The following C12orf42 variants were observed in gnomAD, a reference collection of about 807,000 sequenced individuals.
The protein encoded by C12orf42 is uncharacterized protein C12orf42.
Under a neutral mutation model 21.6 loss-of-function variants are expected in C12orf42, and 25 were observed. That is an observed-to-expected ratio of 1.16 (90% confidence interval 0.84 to 1.62). C12orf42 has a LOEUF of 1.62. C12orf42 is among the 40% of genes most tolerant of loss of function. The pLI, the probability that C12orf42 is intolerant of heterozygous loss-of-function variation, is 0.00. For missense variants in C12orf42, 483 were observed against 459.3 expected, an observed-to-expected ratio of 1.05 and a Z score of -0.47; for synonymous variants, 174 against 175.0, an observed-to-expected ratio of 0.99 and a Z score of 0.05.
chr12:103,198,256 C>G, the C12orf42 span, among the ~76,000 whole-genome samples: 1 of 152,204 alleles, frequency 6.6e-6, no homozygotes, highest in Non-Finnish European at 1.5e-5. Flanking sequence ...CTAGCTTCAC[C>G]TGCAGAAGCT....
At chr12:103,122,577 A>G in the C12orf42 span, among the ~76,000 whole-genome samples, 3 of 152,184 alleles carry the variant, frequency 2.0e-5, no homozygotes, top group African/African-American at 7.2e-5. Context: ...CCGATAAAAT[A>G]ATATTTTTAT....
At chr12:103,191,490 T>C in the C12orf42 span, among the ~76,000 whole-genome samples, 1 of 130,224 alleles carries the variant, frequency 7.7e-6, no homozygotes, top group Admixed American at 9.9e-5. Context: ...GGCAGATTAC[T>C]TGAGTTCAGG....
chr12:103,210,639 C>CTTTTTTTTTTTTTTTTTTTTCTTTTATTT, the C12orf42 span, among the ~76,000 whole-genome samples: 1 of 77,640 alleles, frequency 1.3e-5, no homozygotes, highest in African/African-American at 4.5e-5. Context: ...CCCTCTATTT[C>CTTTTTTTTTTTTTTTTTTTTCTTTTATTT]TTTTTTTTTT....
intron 4 of C12orf42, among the ~76,000 whole-genome samples, chr12:103,362,725 T>A (rs1037287965): frequency 2.2e-4 from 34 of 151,978 alleles, no homozygotes; most frequent in African/African-American, 8.2e-4. Flanking sequence ...AGCAATAGAA[T>A]CAAAAACAGC....
At chr12:103,264,015 T>G (rs2035040401), downstream of C12orf42, among the ~76,000 whole-genome samples, 2 of 152,148 alleles carry the variant, frequency 1.3e-5, no homozygotes, top group Admixed American at 6.5e-5. Flanking sequence ...TTCCTCTCTG[T>G]TTTTTACCAT....
At chr12:103,449,757 CT>C (rs1273104304) in intron 2 of C12orf42, among the ~76,000 whole-genome samples, 2 of 150,500 alleles carry the variant, frequency 1.3e-5, no homozygotes, top group Non-Finnish European at 3.0e-5. Context: ...TCATTCCTGA[CT>C]TTTTGTTCTC....
At chr12:103,398,608 T>C (rs1289778907) in intron 3 of C12orf42, among the ~76,000 whole-genome samples, 1 of 152,122 alleles carries the variant, frequency 6.6e-6, no homozygotes, top group African/African-American at 2.4e-5. Flanking sequence ...AAAATATATT[T>C]TGTATTTTAT....
the C12orf42 span, among the ~76,000 whole-genome samples, chr12:103,166,691 C>T: frequency 6.6e-6 from 1 of 152,116 alleles, no homozygotes; most frequent in Non-Finnish European, 1.5e-5. Flanking sequence ...TATTTCAATT[C>T]ATATTTATCC....
chr12:103,358,321 G>A (rs1396743494), intron 4 of C12orf42, among the ~76,000 whole-genome samples: 1 of 151,986 alleles, frequency 6.6e-6, no homozygotes, highest in African/African-American at 2.4e-5. Context: ...CAATTTTGTG[G>A]CATTTTACTT....
At chr12:103,423,274 G>T (rs146142930) in intron 2 of C12orf42, among the ~76,000 whole-genome samples, 1 of 152,240 alleles carries the variant, frequency 6.6e-6, no homozygotes, top group African/African-American at 2.4e-5. Context: ...CTTGGCCCCT[G>T]GTCTGGCCTG....
downstream of C12orf42, among the ~76,000 whole-genome samples, chr12:103,265,314 T>G (rs2035110307): frequency 6.6e-6 from 1 of 152,176 alleles, no homozygotes; most frequent in Non-Finnish European, 1.5e-5. Flanking sequence ...AGCAAGTATT[T>G]ATCAAATGTC....
At chr12:103,167,906 GTGTGTGTTTGTGTC>G in the C12orf42 span, 1 of 288,284 alleles carries the variant, frequency 3.5e-6, no homozygotes, top group Non-Finnish European at 6.3e-6. Flanking sequence ...GTGTGTGTGT[GTGTGTGTTTGTGTC>G]TGTGTGTGTG....
chr12:103,252,638 GTTGT>G (rs2034367116), intron 10 of C12orf42, among the ~76,000 whole-genome samples: 3 of 152,242 alleles, frequency 2.0e-5, no homozygotes, highest in African/African-American at 4.8e-5. Flanking sequence ...TTTTGATGGG[GTTGT>G]TTGTTTTTTT....
At position 103,283,443 on chromosome 12, in the gene C12orf42, A is replaced by T. The variant is rs17456122; in HGVS notation, n.338-6233T>A. On this transcript the variant is annotated intron_variant and non_coding_transcript_variant, in intron 4 of 6. Coordinates refer to the C12orf42 transcript ENST00000546526. ...AACCTTTTAGTGACTCTCCATTGCTATTAGAAGAAAATAAAAATCCTTAAC... is the reference window on the plus strand; with the variant it reads ...AACCTTTTAGTGACTCTCCATTGCTTTTAGAAGAAAATAAAAATCCTTAAC... Among the ~76,000 whole-genome samples, 1,328 of 152,296 alleles carry T rather than the reference A, an allele frequency of 8.7e-3. 19 individuals carry two copies. Among genetic ancestry groups the T allele is most frequent in the African/African-American group, 0.024 (982 of 41,570 alleles).
At chr12:103,473,141 T>C (rs539540234) in intron 2 of C12orf42, among the ~76,000 whole-genome samples, 10 of 152,284 alleles carry the variant, frequency 6.6e-5, no homozygotes, top group African/African-American at 2.4e-4. Context: ...GAAATAATAA[T>C]TACAATGCCA....
In C12orf42 at chr12:103,381,037, A is replaced by C. The variant is rs59535339; in HGVS notation, c.148-12039T>G. 9.0e-3 allele frequency among the ~76,000 whole-genome samples: 1,373 copies of C among 152,284 alleles called. 107 individuals carry two copies. The East Asian group carries it at 0.18, about 20-fold the overall frequency. On this transcript the variant is annotated intron_variant, in intron 3 of 5. Coordinates refer to ENST00000548883, the MANE Select transcript of C12orf42 (RefSeq NM_198521.5). Reference sequence around the variant, plus strand: ...ATTTTTCCCCTCTGGGTTCTCAGAAAACTTATTTTCTGTGATATGTCTCGA... The same window carrying C: ...ATTTTTCCCCTCTGGGTTCTCAGAACACTTATTTTCTGTGATATGTCTCGA...
intron 4 of C12orf42, among the ~76,000 whole-genome samples, chr12:103,325,437 C>T (rs1381006238): frequency 6.6e-6 from 1 of 152,232 alleles, no homozygotes; most frequent in African/African-American, 2.4e-5. Flanking sequence ...GGTTCTCTCT[C>T]ACATCATCAG....
At chr12:103,357,090 T>C (rs1285930353) in intron 4 of C12orf42, among the ~76,000 whole-genome samples, 1 of 136,190 alleles carries the variant, frequency 7.3e-6, no homozygotes, top group Non-Finnish European at 1.5e-5. Context: ...AGGTGGGAAT[T>C]GAACAATGAG....
At chr12:103,531,475 T>C in the C12orf42 span, among the ~76,000 whole-genome samples, 596 of 152,292 alleles carry the variant, frequency 3.9e-3, 5 homozygotes, top group African/African-American at 0.014. Flanking sequence ...TTCCCTTGAA[T>C]ACAGTTTTTC....
Sources: gnomAD v4.1 joint callset for allele counts (sites outside exome capture counted in the v4.1 genomes callset) on GRCh38, gnomAD v4.1.1 for gene constraint, MANE v1.5 for transcripts, NCBI Gene and HGNC (gene_info 2026-07-23, HGNC 2026-07-21) for gene names.